Variants in BCOR observed in about 807,000 individuals in gnomAD.
The protein encoded by BCOR is BCL6 corepressor.
Under a neutral mutation model 86.7 loss-of-function variants are expected in BCOR, and 10 were observed. That is an observed-to-expected ratio of 0.12 (90% CI 0.07 to 0.20). The LOEUF (loss-of-function observed/expected upper bound fraction) is 0.20, where lower values mean the gene tolerates loss of function less well. Among genes scored for constraint, BCOR ranks in the 10% least tolerant of loss-of-function variants. The pLI is 1.00. For synonymous variants in BCOR, 611 were observed against 609.0 expected (o/e 1.00, Z -0.05); for missense variants, 1,259 against 1,452.1 (o/e 0.87, Z 2.16).
At chrX:40,054,733 C>T (rs1401282304) in intron 12 of BCOR, among the ~76,000 whole-genome samples, 1 of 112,443 alleles carries the variant, frequency 8.9e-6, no homozygotes, top group Non-Finnish European at 1.9e-5. Context: ...GAACTCCTGA[C>T]CTTTGGTGAT....
intron 8 of BCOR, 46 bp from the exon 9 acceptor site, chrX:40,063,117 G>C (rs1432723609): frequency 1.1e-5 from 11 of 964,052 alleles, no homozygotes; most frequent in South Asian, 4.6e-5. Context: ...TGGGAGACGG[G>C]AGAAGAAGCG....
intron 1 of BCOR, among the ~76,000 whole-genome samples, chrX:40,088,332 C>T (rs1936451382): frequency 8.9e-6 from 1 of 112,742 alleles, no homozygotes; most frequent in South Asian, 3.6e-4. Flanking sequence ...GGGGAAACTG[C>T]TGGCCTGGTA....
intron 10 of BCOR, 24 bp downstream of exon 10, chrX:40,062,115 C>A (rs752482794): frequency 1.7e-6 from 2 of 1,190,062 alleles, no homozygotes; most frequent in East Asian, 3.1e-5. Flanking sequence ...CCTGCAGCCC[C>A]AGGGAGCGCC....
Position 40,063,608 on chromosome X carries a change from C to T in BCOR, c.3847G>A (p.Gly1283Ser). Residue 1283 changes from glycine to serine, a missense_variant and splice_region_variant, in exon 8 of 15, where the codon GGC becomes AGC. By Grantham distance (56) the Gly-to-Ser change is moderately conservative. Around this residue, in one of 7 missense-constraint regions of BCOR, gnomAD observed 305 missense variants for 286.1 expected, o/e 1.07. Transcript: ENST00000378444. ...CACTCAAGGGGTGGCCCCCGCATAC[C>T]TTGTTCATTGTCACTGGGTTTAAGA... ...ESLKPSDNEQ[G>S]LPVFSGSPPM... 1 of 1,208,663 alleles carries T rather than the reference C, an allele frequency of 8.3e-7. No individual in the cohort carries two copies. Among genetic ancestry groups the T allele is most frequent in the Non-Finnish European group, 1.1e-6 (1 of 892,605 alleles).
intron 1 of BCOR, among the ~76,000 whole-genome samples, chrX:40,139,752 G>A (rs928429998): frequency 2.0e-5 from 2 of 102,180 alleles, no homozygotes; most frequent in Admixed American, 2.2e-4. Flanking sequence ...CAGAGATTGC[G>A]GTGAGCCAAG....
At chrX:40,175,234 A>T (rs1293227982) in intron 1 of BCOR, among the ~76,000 whole-genome samples, 1 of 113,286 alleles carries the variant, frequency 8.8e-6, no homozygotes. Context: ...CGAACTTAAC[A>T]CGGAGGCAAA....
chrX:40,059,137 G>A (rs1478583326), intron 10 of BCOR, among the ~76,000 whole-genome samples: 1 of 112,081 alleles, frequency 8.9e-6, no homozygotes. Flanking sequence ...GAGGCTGAAG[G>A]GTAAGTCAAC....
intron 1 of BCOR, among the ~76,000 whole-genome samples, chrX:40,096,365 T>C (rs1463871661): frequency 3.7e-5 from 4 of 109,492 alleles, no homozygotes; most frequent in Admixed American, 2.9e-4. Context: ...ACTTAAAACC[T>C]ACGCTGAACA....
At chrX:40,080,815 CGTGTGTGTGTGTGTGTGTGT>C (rs533981374) in intron 1 of BCOR, among the ~76,000 whole-genome samples, 36 of 66,002 alleles carry the variant, frequency 5.5e-4, no homozygotes, top group African/African-American at 1.5e-3. Flanking sequence ...GGTTCACTGT[CGTGTGTGTGTGTGTGTGTGT>C]GTGTGTGTGT....
rs546960508 is a variant in BCOR, at chrX:40,110,667, C to CTTTTTTTTTTT, written c.-40-32709_-40-32699dup. ...TTCTTTTTTTTCTTTTTTCCTTTTT[C>CTTTTTTTTTTT]TTTTTTTTTTTTTTTTTTTTTTTTT... On this transcript the variant is annotated intron_variant, in intron 1 of 14. Transcript: ENST00000342274. Among the ~76,000 whole-genome samples the CTTTTTTTTTTT allele has an allele frequency of 6.8e-5, 2 of 29,550 alleles. 1 individual carries two copies. The highest frequency in any genetic ancestry group is 1.4e-4 in the Non-Finnish European group (2 of 14,555). 25.7% of individuals were successfully genotyped at this position (29,550 alleles called of 115,157 possible).
rs1409727865 is a variant in BCOR, at chrX:40,071,799, A to G, written c.2998-109T>C. The stretch of plus-strand genomic sequence containing the variant: ...ATTGCAAAACAATTTGGCTTTATTC[A>G]TCTTTTAATTAAAAGTAAAATATCT... On this transcript the variant is annotated intron_variant, in intron 4 of 14. Transcript: ENST00000378444. The G allele has an allele frequency of 7.4e-6, 4 of 541,705 alleles. No homozygotes were observed. In the Admixed American group the frequency reaches 1.2e-4, roughly 16 times the overall value. 44.6% of individuals were successfully genotyped at this position (541,705 alleles called of 1,213,427 possible).
Position 40,111,373 on chromosome X carries a change from A to G in BCOR, c.-40-33404T>C, listed in dbSNP as rs570442979. The stretch of plus-strand genomic sequence containing the variant: ...CCTGTACACCTGGACTTCTTGAAAG[A>G]GGTGTCTCCATCCATGTGGAATTTC... On this transcript the variant is annotated intron_variant, in intron 1 of 14. Coordinates refer to the BCOR transcript ENST00000342274. Among the ~76,000 whole-genome samples the G allele has an allele frequency of 1.9e-4, 21 of 111,967 alleles. No individual in the cohort carries two copies. In the South Asian group the frequency reaches 7.8e-3, roughly 42 times the overall value.
At chrX:40,130,160 C>T (rs939361217) in intron 1 of BCOR, among the ~76,000 whole-genome samples, 1 of 111,844 alleles carries the variant, frequency 8.9e-6, no homozygotes. Context: ...TTCCCTGTCC[C>T]TCTTCATCTA....
rs747371690 is a variant in BCOR at position 40,139,496 on chromosome X, TA to T, written c.-41+37510del. Among the ~76,000 whole-genome samples, 11 of 10,324 alleles carry T rather than the reference TA, an allele frequency of 1.1e-3. 2 individuals carry two copies. The highest frequency in any genetic ancestry group is 1.3e-3 in the Non-Finnish European group (8 of 6,351). 9.0% of individuals were successfully genotyped at this position (10,324 alleles called of 115,157 possible). The stretch of plus-strand genomic sequence containing the variant: ...ATATATATATATATATATATATATA[TA>T]TTTTTTTTTTTTTTTAAGCATCAGC... On this transcript the variant is annotated intron_variant, in intron 1 of 14. Coordinates refer to the BCOR transcript ENST00000342274.
At chrX:40,176,815 G>A (rs1315717038) in intron 1 of BCOR, among the ~76,000 whole-genome samples, 4 of 104,767 alleles carry the variant, frequency 3.8e-5, no homozygotes, top group Non-Finnish European at 7.9e-5. Flanking sequence ...CGGCTCCCCC[G>A]CCAGCTGCGC....
chrX:40,131,647 G>A lies in BCOR; in HGVS notation c.-41+45360C>T, dbSNP rs750089485. On this transcript the variant is annotated intron_variant, in intron 1 of 14. Coordinates refer to the BCOR transcript ENST00000342274. ...CGGCAACAAGAGCGAAACTCTGTCA[G>A]TAAAAGAGAAGAGAAGAGAAGAGGA... Among the ~76,000 whole-genome samples, 14 of 106,261 alleles carry A rather than the reference G, an allele frequency of 1.3e-4. No individual in the cohort carries two copies. The South Asian group carries it at 3.2e-3, about 24-fold the overall frequency. 92.3% of individuals were successfully genotyped at this position (106,261 alleles called of 115,157 possible). A position where few individuals can be genotyped will look rare whatever the true frequency, so the allele number is the denominator to read the frequency against.
At chrX:40,063,110 G>GGGGGGT in intron 8 of BCOR, 39 bp from the exon 9 acceptor site, 2 of 644,554 alleles carry the variant, frequency 3.1e-6, no homozygotes, top group East Asian at 5.7e-5. Context: ...GGGCGGATGG[G>GGGGGGT]AGACGGGAGA....
intron 1 of BCOR, among the ~76,000 whole-genome samples, chrX:40,103,217 T>C (rs967642193): frequency 4.5e-5 from 5 of 111,724 alleles, no homozygotes; most frequent in Non-Finnish European, 9.4e-5. Flanking sequence ...ATTAGCGGCC[T>C]GTCGGTGACA....
intron 10 of BCOR, 39 bp from the exon 11 acceptor site, chrX:40,057,360 C>A: frequency 8.5e-7 from 1 of 1,171,749 alleles, no homozygotes; most frequent in Non-Finnish European, 1.2e-6. Context: ...CAGATCACTG[C>A]ACAATGACCT....
Sources: allele counts gnomAD v4.1 joint callset (sites outside exome capture counted in the v4.1 genomes callset), GRCh38; gene constraint gnomAD v4.1.1; regional missense constraint gnomAD v4.1.1; transcripts MANE v1.5; gene names NCBI Gene and HGNC (gene_info 2026-07-23, HGNC 2026-07-21).